PRRX1: variants seen among roughly 807,000 people sequenced by gnomAD.
PRRX1 encodes paired related homeobox 1.
In PRRX1, 8 loss-of-function variants were observed where a neutral mutation model predicts 24.0. The ratio of observed to expected loss-of-function variants is 0.33; its 90% confidence interval spans 0.20 to 0.60. The LOEUF (loss-of-function observed/expected upper bound fraction) is 0.60, where lower values mean the gene tolerates loss of function less well. Among genes scored for constraint, PRRX1 ranks in the 20% least tolerant of loss-of-function variants. The probability of loss-of-function intolerance (pLI) is 0.82; values close to 1 mark genes in which losing one functional copy is unlikely to be tolerated. For missense variants in PRRX1, 281 were observed against 322.4 expected (o/e 0.87, Z 0.98); for synonymous variants, 160 against 131.7 (o/e 1.22, Z -1.47).
At chr1:170,663,623 G>C (rs919522132), upstream of PRRX1, 3 of 152,220 alleles carry the variant, frequency 2.0e-5, no homozygotes, top group South Asian at 4.1e-4. Flanking sequence ...GTGCAGAGAG[G>C]GGGGAACACG....
Position 170,736,744 on chromosome 1 carries a change from T to C in PRRX1, c.*558T>C, listed in dbSNP as rs1571354862. 1.7e-5 allele frequency: 3 copies of C among 181,296 alleles called. No individual in the cohort carries two copies. The East Asian group carries it at 2.4e-4, about 15-fold the overall frequency. 11.2% of individuals were successfully genotyped at this position (181,296 alleles called of 1,614,324 possible). On this transcript the variant is annotated 3_prime_UTR_variant, in exon 4 of 4. Coordinates refer to ENST00000239461, the MANE Select transcript of PRRX1 (RefSeq NM_022716.4). ...CCCTTTCTCATTGTCTCCATCTTTG[T>C]TGGTCATGGTAAGGTTTTTCCATCA...
chr1:170,689,599 ATGTTTT>A (rs1244509337), intron 1 of PRRX1, among the ~76,000 whole-genome samples: 1 of 152,068 alleles, frequency 6.6e-6, no homozygotes, highest in Non-Finnish European at 1.5e-5. Flanking sequence ...CAAGAAGCAC[ATGTTTT>A]TGTTTTTGTT....
At chr1:170,680,424 T>G (rs566923713) in intron 1 of PRRX1, among the ~76,000 whole-genome samples, 4 of 152,342 alleles carry the variant, frequency 2.6e-5, no homozygotes, top group African/African-American at 9.6e-5. Flanking sequence ...AGACCACTAC[T>G]GAGTTACAGT....
chr1:170,726,263 G>A lies in PRRX1; in HGVS notation c.461G>A (p.Arg154Lys). ...AGAGCCAAGTTCCGCAGGAATGAGA[G>A]AGCCATGCTAGCCAATAAAAACGCT... is the stretch of plus-strand genomic sequence containing the variant. The part of the protein sequence containing the change: ...NRRAKFRRNE[R>K]AMLANKNASL... Residue 154 changes from arginine to lysine, a missense_variant, in exon 3 of 4, where the codon AGA (arginine) becomes AAA (lysine). Physicochemically the swap from Arg to Lys is conservative, Grantham distance 26. Coordinates refer to ENST00000239461, the MANE Select transcript of PRRX1 (RefSeq NM_022716.4). The A allele has an allele frequency of 6.2e-7, 1 of 1,614,076 alleles. No individual in the cohort carries two copies. The highest frequency in any genetic ancestry group is 8.5e-7 in the Non-Finnish European group (1 of 1,179,986).
At position 170,739,067 on chromosome 1, in the gene PRRX1, T is replaced by G; in HGVS notation, c.*2881T>G. 1 of 216,976 alleles carries G rather than the reference T, an allele frequency of 4.6e-6. No homozygotes were observed. Among genetic ancestry groups the G allele is most frequent in the Non-Finnish European group, 9.3e-6 (1 of 107,706 alleles). 13.4% of individuals were successfully genotyped at this position (216,976 alleles called of 1,614,324 possible). A position where few individuals can be genotyped will look rare whatever the true frequency, so the allele number is the denominator to read the frequency against. On this transcript the variant is annotated 3_prime_UTR_variant, in exon 4 of 4. Coordinates refer to ENST00000239461, the MANE Select transcript of PRRX1 (RefSeq NM_022716.4). Reference sequence around the variant, plus strand: ...ATTTGGAAAAGATGCCTTCTGGATCTTAAGCCAGTTGTCAGTGGAGGTCCT... The same window carrying G: ...ATTTGGAAAAGATGCCTTCTGGATCGTAAGCCAGTTGTCAGTGGAGGTCCT...
chr1:170,705,374 C>G (rs938155508), intron 1 of PRRX1, among the ~76,000 whole-genome samples: 2 of 152,198 alleles, frequency 1.3e-5, no homozygotes, highest in African/African-American at 4.8e-5. Context: ...CCTCAACCAC[C>G]TGGGCTCAGG....
At chr1:170,679,607 G>C (rs1427489413) in intron 1 of PRRX1, among the ~76,000 whole-genome samples, 1 of 152,102 alleles carries the variant, frequency 6.6e-6, no homozygotes, top group Admixed American at 6.6e-5. Context: ...CACCGTGTTA[G>C]CCAGGATGGT....
chr1:170,665,839 T>C (rs1408274664), intron 1 of PRRX1, among the ~76,000 whole-genome samples: 1 of 152,194 alleles, frequency 6.6e-6, no homozygotes, highest in African/African-American at 2.4e-5. Context: ...CTAGGGCCGA[T>C]CCACCCAATG....
chr1:170,719,160 G>T (rs1655001786), intron 1 of PRRX1, among the ~76,000 whole-genome samples: 1 of 152,216 alleles, frequency 6.6e-6, no homozygotes, highest in Admixed American at 6.5e-5. Context: ...AGCCTTGAGT[G>T]AATGGTGTTA....
intron 1 of PRRX1, among the ~76,000 whole-genome samples, chr1:170,718,339 C>T (rs547509336): frequency 6.6e-6 from 1 of 152,308 alleles, no homozygotes; most frequent in East Asian, 1.9e-4. Context: ...GTTGTCAGGC[C>T]TCTGGATTTA....
intron 2 of PRRX1, among the ~76,000 whole-genome samples, chr1:170,720,700 C>A (rs1655054848): frequency 6.6e-6 from 1 of 152,166 alleles, no homozygotes; most frequent in African/African-American, 2.4e-5. Context: ...TACTTATGAA[C>A]TGAGTTAAGA....
intron 1 of PRRX1, among the ~76,000 whole-genome samples, chr1:170,673,186 T>C (rs949313606): frequency 1.3e-5 from 2 of 152,214 alleles, no homozygotes; most frequent in African/African-American, 4.8e-5. Flanking sequence ...AATTTGAAAG[T>C]TCCCATTGAA....
At position 170,739,272 on chromosome 1, in the gene PRRX1, C is replaced by T. The variant is rs975759397; in HGVS notation, c.*3086C>T. The T allele has an allele frequency of 1.0e-5, 2 of 190,974 alleles. No homozygotes were observed. The highest frequency in any genetic ancestry group is 6.1e-5 in the Admixed American group (1 of 16,326). 11.8% of individuals were successfully genotyped at this position (190,974 alleles called of 1,614,324 possible). On this transcript the variant is annotated 3_prime_UTR_variant, in exon 4 of 4. Transcript: ENST00000239461. Reference sequence around the variant, plus strand: ...GGTGACTTAATAAAAAAGGGAATGACATTTAGGGTATAAAGATCTCATAAG... The same window carrying T: ...GGTGACTTAATAAAAAAGGGAATGATATTTAGGGTATAAAGATCTCATAAG...
intron 1 of PRRX1, among the ~76,000 whole-genome samples, chr1:170,700,465 C>T (rs1012532847): frequency 2.0e-5 from 3 of 151,926 alleles, no homozygotes; most frequent in South Asian, 4.2e-4. Flanking sequence ...TTTAGATACA[C>T]GTGTGTGTCA....
intron 1 of PRRX1, among the ~76,000 whole-genome samples, chr1:170,677,104 G>T (rs371343344): frequency 2.0e-5 from 3 of 152,172 alleles, no homozygotes; most frequent in Non-Finnish European, 4.4e-5. Flanking sequence ...TTACAGCAAG[G>T]TCTCAAAATG....
At chr1:170,712,631 T>C (rs1654786800) in intron 1 of PRRX1, among the ~76,000 whole-genome samples, 1 of 152,196 alleles carries the variant, frequency 6.6e-6, no homozygotes, top group South Asian at 2.1e-4. Flanking sequence ...GCCTACTATG[T>C]GTCAGCCTAT....
At chr1:170,704,102 A>C (rs534943884) in intron 1 of PRRX1, among the ~76,000 whole-genome samples, 1 of 152,342 alleles carries the variant, frequency 6.6e-6, no homozygotes, top group African/African-American at 2.4e-5. Flanking sequence ...AACTAGATAA[A>C]TATAACTTTG....
intron 1 of PRRX1, chr1:170,669,319 T>C (rs1653059214): frequency 6.7e-6 from 1 of 149,582 alleles, no homozygotes; most frequent in Admixed American, 6.7e-5. Context: ...GTCACACGGG[T>C]CCTTATAGTT....
chr1:170,699,133 C>T (rs1371606844), intron 1 of PRRX1, among the ~76,000 whole-genome samples: 5 of 152,228 alleles, frequency 3.3e-5, no homozygotes, highest in Admixed American at 6.5e-5. Flanking sequence ...AAATAAAATA[C>T]AGTGGAAGTC....
Sources: gnomAD v4.1 joint callset for allele counts (sites outside exome capture counted in the v4.1 genomes callset) on GRCh38, gnomAD v4.1.1 for gene constraint, MANE v1.5 for transcripts, NCBI Gene and HGNC (gene_info 2026-07-23, HGNC 2026-07-21) for gene names.